TMCC3: variants seen among roughly 807,000 people sequenced by gnomAD.
The protein encoded by TMCC3 is transmembrane and coiled-coil domain protein 3.
Under a neutral mutation model 40.2 loss-of-function variants are expected in TMCC3, and 28 were observed. The ratio of observed to expected loss-of-function variants is 0.70; its 90% CI spans 0.52 to 0.95. The LOEUF (loss-of-function observed/expected upper bound fraction) is 0.95. Among genes scored for constraint, TMCC3 ranks in the 40% least tolerant of loss-of-function variants. TMCC3 has a pLI of 0.00. For missense variants in TMCC3, 554 were observed against 615.2 expected, an observed-to-expected ratio of 0.90 and a Z score of 1.05; for synonymous variants, 255 against 248.5, an observed-to-expected ratio of 1.03 and a Z score of -0.25.
chr12:94,572,266 G>A (rs1249000229), intron 3 of TMCC3, among the ~76,000 whole-genome samples: 1 of 149,722 alleles, frequency 6.7e-6, no homozygotes, highest in African/African-American at 2.5e-5. Flanking sequence ...CCAGAATGCT[G>A]GGATTATAGG....
At chr12:94,649,136 C>A (rs151076545) in intron 1 of TMCC3, among the ~76,000 whole-genome samples, 5 of 152,302 alleles carry the variant, frequency 3.3e-5, no homozygotes, top group African/African-American at 1.2e-4. Context: ...TATATTCAAT[C>A]TGTAAAAACT....
intron 1 of TMCC3, among the ~76,000 whole-genome samples, chr12:94,647,044 A>G (rs1005181172): frequency 6.6e-6 from 1 of 152,240 alleles, no homozygotes; most frequent in African/African-American, 2.4e-5. Flanking sequence ...CAGTTACTGT[A>G]TAGAAAGCAG....
chr12:94,598,805 G>GA, intron 1 of TMCC3: 2 of 974,492 alleles, frequency 2.1e-6, no homozygotes, highest in South Asian at 9.5e-5. Flanking sequence ...TGGGATAAAA[G>GA]AAACGACAAA....
In TMCC3 at chr12:94,582,023, G is replaced by A. The variant is rs3747553; in HGVS notation, c.594C>T (p.Phe198=). The A allele has an allele frequency of 0.58, 930,026 of 1,613,892 alleles. 272,526 individuals are homozygous for A. Among genetic ancestry groups the A allele is most frequent in the African/African-American group, 0.85 (63,952 of 74,988 alleles). The change falls in exon 2 of 4, where the codon TTC becomes TTT. Residue 198 remains phenylalanine, a synonymous_variant. Transcript: ENST00000261226. ...CAAACTCTCTGGACTTATTGAAAAC[G>A]AACACAGGTGGAGTAAGTGAGACCC... is the stretch of plus-strand genomic sequence containing the variant. ...MPGVSLTPPV[F]VFNKSREFAN... is the part of the protein sequence containing the mutation.
At chr12:94,590,999 C>T in intron 1 of TMCC3, 1 of 557,516 alleles carries the variant, frequency 1.8e-6, no homozygotes, top group Non-Finnish European at 3.6e-6. Context: ...GAGGAAGAAA[C>T]CGCGACTACT....
In TMCC3 at chr12:94,571,512, C is replaced by A. The variant is rs757570806; in HGVS notation, c.1357G>T (p.Val453Leu). 3 of 1,614,082 alleles carry A rather than the reference C, an allele frequency of 1.9e-6. No homozygotes were observed. The highest frequency in any genetic ancestry group is 3.3e-5 in the Admixed American group (2 of 59,952). ...TTACAAAATATAGCAAGAAGAGTCA[C>A]GGCAAAGAAGGTGCCAAGAATGTGG... ...RCHILGTFFA[V>L]TLLAIFCKNW... The change falls in exon 4 of 4, where the codon GTG becomes TTG. Residue 453 changes from valine to leucine, a missense_variant. Val to Leu is a conservative substitution (Grantham distance 32). Transcript: ENST00000261226.
At chr12:94,607,171 G>A (rs2068788622) in intron 1 of TMCC3, among the ~76,000 whole-genome samples, 1 of 152,130 alleles carries the variant, frequency 6.6e-6, no homozygotes, top group Non-Finnish European at 1.5e-5. Flanking sequence ...GAAAACTATG[G>A]CTCTATTCTG....
Position 94,644,023 on chromosome 12 carries a change from A to T in TMCC3, c.78+6330T>A, listed in dbSNP as rs146690584. On this transcript the variant is annotated intron_variant, in intron 1 of 3. Coordinates refer to ENST00000261226, the MANE Select transcript of TMCC3 (RefSeq NM_020698.4). ...TGCTTCATGTTGCCTGGTGTACAGT[A>T]AGCACTCAGTACACATTAACTATTA... Among the ~76,000 whole-genome samples the T allele has an allele frequency of 2.4e-3, 369 of 152,316 alleles. 4 individuals carry two copies. Among genetic ancestry groups the T allele is most frequent in the African/African-American group, 8.4e-3 (350 of 41,582 alleles).
intron 1 of TMCC3, among the ~76,000 whole-genome samples, chr12:94,630,258 A>C (rs369522437): frequency 0.098 from 59 of 602 alleles, no homozygotes; most frequent in African/African-American, 0.31. Flanking sequence ...CTCTGTCCCA[A>C]AAAAAAAAAA....
chr12:94,628,821 G>A (rs1413493594), intron 1 of TMCC3, among the ~76,000 whole-genome samples: 1 of 152,158 alleles, frequency 6.6e-6, no homozygotes, highest in Admixed American at 6.5e-5. Context: ...CACTTAAAGG[G>A]TGCCGTTCTG....
chr12:94,616,956 G>A (rs1304907279), intron 1 of TMCC3, among the ~76,000 whole-genome samples: 1 of 152,162 alleles, frequency 6.6e-6, no homozygotes, highest in Non-Finnish European at 1.5e-5. Context: ...GCATTTCCAT[G>A]GAGCCAACTG....
chr12:94,613,230 G>A (rs1053224030), intron 1 of TMCC3, among the ~76,000 whole-genome samples: 21 of 152,056 alleles, frequency 1.4e-4, no homozygotes, highest in African/African-American at 5.1e-4. Flanking sequence ...TTGGGAGGCC[G>A]AGGCTGGTGG....
chr12:94,584,666 C>T (rs2068627569), intron 1 of TMCC3, among the ~76,000 whole-genome samples: 1 of 151,196 alleles, frequency 6.6e-6, no homozygotes, highest in Non-Finnish European at 1.5e-5. Context: ...TACAAACATT[C>T]GTTAGCATTA....
chr12:94,618,247 A>G (rs2068857684), intron 1 of TMCC3, among the ~76,000 whole-genome samples: 1 of 152,028 alleles, frequency 6.6e-6, no homozygotes, highest in Non-Finnish European at 1.5e-5. Flanking sequence ...CTGCCTTCCT[A>G]GTCTGAAAAT....
intron 1 of TMCC3, among the ~76,000 whole-genome samples, chr12:94,650,009 G>T (rs1435329163): frequency 1.3e-5 from 2 of 152,174 alleles, no homozygotes; most frequent in African/African-American, 4.8e-5. Flanking sequence ...GCGGGGCCGC[G>T]GGTGGCCGGG....
intron 1 of TMCC3, among the ~76,000 whole-genome samples, chr12:94,602,679 A>C (rs762390617): frequency 6.6e-6 from 1 of 151,770 alleles, no homozygotes; most frequent in African/African-American, 2.4e-5. Flanking sequence ...CTGGCTTCCA[A>C]CTCCGGGGCT....
At chr12:94,616,189 T>C (rs549858386) in intron 1 of TMCC3, 3 of 732,756 alleles carry the variant, frequency 4.1e-6, no homozygotes, top group South Asian at 6.2e-5. Flanking sequence ...ACAAATGGGC[T>C]CTTTGTGCAG....
chr12:94,571,443 G>C lies in TMCC3; in HGVS notation c.1426C>G (p.Pro476Ala). ...GGCAGGAACCAGTGGCTTCATCTTG[G>C]TATTATCATCCTTTCTATGGCACAC... is the stretch of plus-strand genomic sequence containing the variant. Reference protein sequence around the residue: ...ILCAIERMIIPR With the variant: ...ILCAIERMIIAR The change falls in exon 4 of 4, where the codon CCA becomes GCA. Residue 476 changes from proline to alanine, a missense_variant. Coordinates refer to ENST00000261226, the MANE Select transcript of TMCC3 (RefSeq NM_020698.4). The C allele has an allele frequency of 6.2e-7, 1 of 1,611,196 alleles. No homozygotes were observed. Among genetic ancestry groups the C allele is most frequent in the Admixed American group, 1.7e-5 (1 of 59,984 alleles).
At chr12:94,593,408 A>AGG (rs1566320626) in intron 1 of TMCC3, among the ~76,000 whole-genome samples, 1 of 29,806 alleles carries the variant, frequency 3.4e-5, no homozygotes, top group African/African-American at 1.8e-4. Flanking sequence ...AAAGAAGAAG[A>AGG]AGGAAGAAGA....
Sources: allele counts gnomAD v4.1 joint callset (sites outside exome capture counted in the v4.1 genomes callset), GRCh38; gene constraint gnomAD v4.1.1; transcripts MANE v1.5; gene names NCBI Gene and HGNC (gene_info 2026-07-23, HGNC 2026-07-21).